SLC38A9: variants seen among roughly 807,000 people sequenced by gnomAD.
SLC38A9 encodes the protein solute carrier family 38 member 9, also known as neutral amino acid transporter 9.
Under a neutral mutation model 62.3 loss-of-function variants are expected in SLC38A9, and 48 were observed. The ratio of observed to expected loss-of-function variants is 0.77; its 90% CI spans 0.61 to 0.98. The LOEUF (loss-of-function observed/expected upper bound fraction) is 0.98, where lower values mean the gene tolerates loss of function less well. Among genes scored for constraint, SLC38A9 ranks in the 50% least tolerant of loss-of-function variants. The pLI is 0.00. For synonymous variants in SLC38A9, 204 were observed against 227.7 expected (o/e 0.90, Z 0.94); for missense variants, 541 against 679.8 (o/e 0.80, Z 2.27).
At chr5:55,706,505 G>GT (rs775520083) in intron 2 of SLC38A9, among the ~76,000 whole-genome samples, 1 of 152,188 alleles carries the variant, frequency 6.6e-6, no homozygotes, top group South Asian at 2.1e-4. Flanking sequence ...GGGGAAAAAT[G>GT]TAAGGGCCAC....
At chr5:55,667,689 T>C (rs1750696784) in intron 7 of SLC38A9, among the ~76,000 whole-genome samples, 1 of 152,120 alleles carries the variant, frequency 6.6e-6, no homozygotes, top group Non-Finnish European at 1.5e-5. Context: ...GTGGACTTTG[T>C]AAAATGAATT....
At chr5:55,661,380 G>A (rs1322900954) in intron 8 of SLC38A9, among the ~76,000 whole-genome samples, 2 of 146,838 alleles carry the variant, frequency 1.4e-5, no homozygotes, top group African/African-American at 5.1e-5. Context: ...AGCAGGCGGA[G>A]CTTGCAGTGA....
intron 14 of SLC38A9, among the ~76,000 whole-genome samples, chr5:55,630,756 G>T (rs1743299719): frequency 6.6e-6 from 1 of 152,072 alleles, no homozygotes; most frequent in Non-Finnish European, 1.5e-5. Flanking sequence ...GGAGACTGGG[G>T]TATCCATCCC....
At chr5:55,708,964 G>A (rs1434771711) in intron 2 of SLC38A9, among the ~76,000 whole-genome samples, 1 of 152,176 alleles carries the variant, frequency 6.6e-6, no homozygotes, top group Non-Finnish European at 1.5e-5. Context: ...CCACAAAAAA[G>A]TCACCCTGGT....
At chr5:55,653,449 A>G (rs1747886309) in intron 9 of SLC38A9, among the ~76,000 whole-genome samples, 1 of 152,240 alleles carries the variant, frequency 6.6e-6, no homozygotes, top group African/African-American at 2.4e-5. Flanking sequence ...AAGGCCAAAG[A>G]GCAGATTTCT....
chr5:55,690,494 C>T (rs1053880496), intron 3 of SLC38A9, among the ~76,000 whole-genome samples: 2 of 152,102 alleles, frequency 1.3e-5, no homozygotes, highest in East Asian at 1.9e-4. Flanking sequence ...GTTGGCCATC[C>T]GCACTAGCCA....
At chr5:55,633,687 A>C in intron 14 of SLC38A9, 67 bp downstream of exon 14, 5 of 1,607,516 alleles carry the variant, frequency 3.1e-6, no homozygotes, top group Non-Finnish European at 4.2e-6. Context: ...GTCACACTTT[A>C]AACTGACCTG....
chr5:55,708,100 A>G lies in SLC38A9; in HGVS notation c.-35+3352T>C, dbSNP rs184290817. Among the ~76,000 whole-genome samples, 29 of 152,172 alleles carry G rather than the reference A, an allele frequency of 1.9e-4. No homozygotes were observed. In the East Asian group the frequency reaches 5.2e-3, roughly 27 times the overall value. ...TATTTCATTAGAGCAGCACCAAGAG[A>G]CTGAGATAGGTCCCAGTAGGGAATG... On this transcript the variant is annotated intron_variant, in intron 2 of 15. Coordinates refer to ENST00000396865, the MANE Select transcript of SLC38A9 (RefSeq NM_173514.4).
chr5:55,687,299 C>T (rs941745064), intron 3 of SLC38A9, among the ~76,000 whole-genome samples: 7 of 149,814 alleles, frequency 4.7e-5, no homozygotes, highest in Non-Finnish European at 8.9e-5. Context: ...CAGTGGCGGG[C>T]GCCTGTGGTC....
rs193213946 is a variant in SLC38A9, at chr5:55,707,597, A to G, written c.-35+3855T>C. ...CTCTGTCTCAAAACAAAACCCAGAC[A>G]TAATCACTTTTAACATCTCACTCAA... On this transcript the variant is annotated intron_variant, in intron 2 of 15. Transcript: ENST00000396865. Among the ~76,000 whole-genome samples the G allele has an allele frequency of 3.3e-5, 5 of 152,304 alleles. No individual in the cohort carries two copies. The East Asian group carries it at 7.7e-4, about 24-fold the overall frequency.
chr5:55,676,660 C>G (rs1752141044), intron 3 of SLC38A9, among the ~76,000 whole-genome samples: 1 of 152,026 alleles, frequency 6.6e-6, no homozygotes, highest in Admixed American at 6.6e-5. Context: ...AACAAGCTAC[C>G]TATTTTTCTT....
chr5:55,697,654 G>T (rs1384534297), intron 3 of SLC38A9, among the ~76,000 whole-genome samples, 192 bp downstream of exon 3: 1 of 131,304 alleles, frequency 7.6e-6, no homozygotes, highest in Non-Finnish European at 1.6e-5. Context: ...TGAGTTTAGT[G>T]AAAAAAAAAA....
Position 55,645,889 on chromosome 5 carries a change from C to A in SLC38A9, c.1067G>T (p.Arg356Ile). The change falls in exon 12 of 16, where the codon AGA becomes ATA. Residue 356 changes from arginine to isoleucine, a missense_variant. By Grantham distance (97) the Arg-to-Ile change is moderately conservative. Coordinates refer to ENST00000396865, the MANE Select transcript of SLC38A9 (RefSeq NM_173514.4). ...IPTEFFVPEI[R>I]FQFPQLTGVL... ...TCCAGTCAGCTGTGGAAACTGAAAT[C>A]TTATCTCTAGGAGAAAAATAAAAAC... 1 of 1,594,606 alleles carries A rather than the reference C, an allele frequency of 6.3e-7. No individual in the cohort carries two copies. The highest frequency in any genetic ancestry group is 8.5e-7 in the Non-Finnish European group (1 of 1,170,784).
intron 12 of SLC38A9, among the ~76,000 whole-genome samples, chr5:55,635,940 G>A (rs544454536): frequency 1.4e-4 from 21 of 152,274 alleles, no homozygotes; most frequent in African/African-American, 4.6e-4. Flanking sequence ...TAACATGACT[G>A]AAATTCTGAC....
At chr5:55,626,710 T>C (rs770628127) in intron 15 of SLC38A9, 51 bp from the exon 16 acceptor site, 1 of 1,506,830 alleles carries the variant, frequency 6.6e-7, no homozygotes. Context: ...CTTTGCTTTT[T>C]ACAATTAAGG....
intron 11 of SLC38A9, among the ~76,000 whole-genome samples, chr5:55,648,479 T>A (rs1437060519): frequency 6.6e-6 from 1 of 152,206 alleles, no homozygotes; most frequent in Non-Finnish European, 1.5e-5. Flanking sequence ...TTCTCATCAT[T>A]TTCAAACTGC....
intron 7 of SLC38A9, among the ~76,000 whole-genome samples, chr5:55,666,974 C>T (rs901987030): frequency 2.0e-5 from 3 of 149,092 alleles, no homozygotes; most frequent in Non-Finnish European, 4.4e-5. Flanking sequence ...GAGATCGCGC[C>T]ACTGCACTCC....
intron 8 of SLC38A9, 35 bp downstream of exon 8, chr5:55,664,658 G>A: frequency 8.5e-7 from 1 of 1,181,322 alleles, no homozygotes; most frequent in African/African-American, 1.6e-5. Flanking sequence ...GTATTTGAAA[G>A]TACTGTGTTA....
At chr5:55,706,231 C>T (rs1757281123) in intron 2 of SLC38A9, among the ~76,000 whole-genome samples, 1 of 152,144 alleles carries the variant, frequency 6.6e-6, no homozygotes, top group South Asian at 2.1e-4. Context: ...GAAGCCAAGT[C>T]AGAGTAGCAA....
Sources: allele counts gnomAD v4.1 joint callset (sites outside exome capture counted in the v4.1 genomes callset), GRCh38; gene constraint gnomAD v4.1.1; transcripts MANE v1.5; gene names NCBI Gene and HGNC (gene_info 2026-07-23, HGNC 2026-07-21).